RNASE3: variants seen among roughly 807,000 people sequenced by gnomAD.
RNASE3 encodes eosinophil cationic protein.
For missense variants in RNASE3, 192 were observed against 205.3 expected, an observed-to-expected ratio of 0.94 and a Z score of 0.40; for synonymous variants, 66 against 72.0, an observed-to-expected ratio of 0.92 and a Z score of 0.42.
Position 20,891,966 on chromosome 14 carries a change from A to T in RNASE3, c.280A>T (p.Thr94Ser), listed in dbSNP as rs763694164. ...NQSIRCPHNR[T>S]LNNCHRSRFR... is the part of the protein sequence containing the mutation. ...AAGTATACGCTGCCCTCATAACAGA[A>T]CTCTCAACAATTGTCATCGGAGTAG... The change falls in exon 2 of 2, where the codon ACT becomes TCT. Residue 94 changes from threonine to serine, a missense_variant. Thr to Ser is a moderately conservative substitution (Grantham distance 58). Coordinates refer to ENST00000304639, the MANE Select transcript of RNASE3 (RefSeq NM_002935.3). 6.2e-7 allele frequency: 1 copy of T among 1,612,926 alleles called. No individual in the cohort carries two copies. Among genetic ancestry groups the T allele is most frequent in the South Asian group, 1.1e-5 (1 of 91,068 alleles).
In RNASE3 at chr14:20,891,680, A is replaced by G. The variant is rs1188690988; in HGVS notation, c.-5-2A>G. On this transcript the variant is annotated splice_acceptor_variant, in intron 1 of 1. Coordinates refer to ENST00000304639, the MANE Select transcript of RNASE3 (RefSeq NM_002935.3). LOFTEE classifies it low-confidence loss of function (5UTR_SPLICE). ...GTAGTTACTTCTCTTCTTTTCTTACAGGAAACATGGTTCCAAAACTGTTCA... is the reference window on the plus strand; with the variant it reads ...GTAGTTACTTCTCTTCTTTTCTTACGGGAAACATGGTTCCAAAACTGTTCA... 1.3e-5 allele frequency: 21 copies of G among 1,604,710 alleles called. No individual in the cohort carries two copies. In the Admixed American group the frequency reaches 3.6e-4, roughly 28 times the overall value.
rs1223659873 is a variant in RNASE3, at chr14:20,891,468, C to T, written c.-6+17C>T. On this transcript the variant is annotated intron_variant, in intron 1 of 1. Coordinates refer to ENST00000304639, the MANE Select transcript of RNASE3 (RefSeq NM_002935.3). ...AGAGACTGGGTAAGTCAACAATCCC[C>T]AGAGCTGGGACAGGAGGGGCAGCGA... 6.6e-6 allele frequency: 4 copies of T among 609,730 alleles called. No homozygotes were observed. Among genetic ancestry groups the T allele is most frequent in the African/African-American group, 1.9e-5 (1 of 52,172 alleles). 37.8% of individuals were successfully genotyped at this position (609,730 alleles called of 1,614,324 possible). A position where few individuals can be genotyped will look rare whatever the true frequency, so the allele number is the denominator to read the frequency against.
chr14:20,891,485 G>C (rs1877554024), intron 1 of RNASE3, 34 bp downstream of exon 1: 1 of 657,446 alleles, frequency 1.5e-6, no homozygotes, highest in East Asian at 2.7e-5. Context: ...GGGACAGGAG[G>C]GGCAGCGACA....
intron 1 of RNASE3, 37 bp from the exon 2 acceptor site, chr14:20,891,645 G>T (rs558397403): frequency 1.3e-6 from 2 of 1,579,180 alleles, no homozygotes; most frequent in South Asian, 2.4e-5. Flanking sequence ...AACCGAGACC[G>T]GATCGGGGAG....
rs149500970 is a variant in RNASE3 at position 20,891,713 on chromosome 14, A to G, written c.27A>G (p.Gln9=). 3 of 1,610,872 alleles carry G rather than the reference A, an allele frequency of 1.9e-6. No individual in the cohort carries two copies. Among genetic ancestry groups the G allele is most frequent in the Admixed American group, 1.7e-5 (1 of 59,562 alleles). The change falls in exon 2 of 2, where the codon CAA becomes CAG. Residue 9 remains glutamine (Q), a synonymous_variant. Coordinates refer to ENST00000304639, the MANE Select transcript of RNASE3 (RefSeq NM_002935.3). The part of the protein sequence containing the change: MVPKLFTS[Q]ICLLLLLGLM... ...TGGTTCCAAAACTGTTCACTTCCCA[A>G]ATTTGTCTGCTTCTTCTGTTGGGGC... is the stretch of plus-strand genomic sequence containing the variant.
In RNASE3 at chr14:20,892,211, C is replaced by T; in HGVS notation, c.*42C>T. 2 of 1,575,212 alleles carry T rather than the reference C, an allele frequency of 1.3e-6. No individual in the cohort carries two copies. The highest frequency in any genetic ancestry group is 1.7e-6 in the Non-Finnish European group (2 of 1,162,696). ...TCCTCATCATCACTCATCTGCCAAG[C>T]TCCTCAATCATAGCCAAGATCCCAT... On this transcript the variant is annotated 3_prime_UTR_variant, in exon 2 of 2. Coordinates refer to ENST00000304639, the MANE Select transcript of RNASE3 (RefSeq NM_002935.3).
Position 20,892,024 on chromosome 14 carries a change from T to C in RNASE3, c.338T>C (p.Ile113Thr). The C allele has an allele frequency of 3.1e-6, 5 of 1,612,860 alleles. No individual in the cohort carries two copies. Among genetic ancestry groups the C allele is most frequent in the Non-Finnish European group, 3.4e-6 (4 of 1,180,016 alleles). Residue 113 changes from isoleucine to threonine, a missense_variant, in exon 2 of 2, where the codon ATA becomes ACA. Physicochemically the swap from Ile to Thr is moderately conservative, Grantham distance 89 (BLOSUM62 -1). Coordinates refer to ENST00000304639, the MANE Select transcript of RNASE3 (RefSeq NM_002935.3). ...FRVPLLHCDL[I>T]NPGAQNISNC... The stretch of plus-strand genomic sequence containing the variant: ...GTGCCTTTACTCCACTGTGACCTCA[T>C]AAATCCAGGTGCACAGAATATTTCA...
In RNASE3 at chr14:20,891,723, C is replaced by T; in HGVS notation, c.37C>T (p.Leu13Phe). The T allele has an allele frequency of 6.2e-7, 1 of 1,611,546 alleles. No individual in the cohort carries two copies. Among genetic ancestry groups the T allele is most frequent in the Non-Finnish European group, 8.5e-7 (1 of 1,179,816 alleles). The change falls in exon 2 of 2, where the codon CTT (leucine) becomes TTT (phenylalanine). Residue 13 changes from leucine to phenylalanine, a missense_variant. Coordinates refer to ENST00000304639, the MANE Select transcript of RNASE3 (RefSeq NM_002935.3). ...PKLFTSQICL[L>F]LLLGLMGVEG... Reference sequence around the variant, plus strand: ...ACTGTTCACTTCCCAAATTTGTCTGCTTCTTCTGTTGGGGCTTATGGGTGT... The same window carrying T: ...ACTGTTCACTTCCCAAATTTGTCTGTTTCTTCTGTTGGGGCTTATGGGTGT...
chr14:20,891,546 G>T, intron 1 of RNASE3, 95 bp downstream of exon 1: 1 of 1,189,016 alleles, frequency 8.4e-7, no homozygotes, highest in Non-Finnish European at 1.2e-6. Flanking sequence ...AGGAGATGTG[G>T]CACACTTTGG....
Position 20,891,934 on chromosome 14 carries a change from G to A in RNASE3, c.248G>A (p.Gly83Asp). ...TTFANVVNVC[G>D]NQSIRCPHNR... ...TTTGCTAATGTAGTTAATGTTTGTG[G>A]TAACCAAAGTATACGCTGCCCTCAT... Residue 83 changes from glycine to aspartate, a missense_variant, in exon 2 of 2, where the codon GGT (glycine) becomes GAT (aspartate). Transcript: ENST00000304639. The A allele has an allele frequency of 1.2e-6, 2 of 1,612,976 alleles. No homozygotes were observed. Among genetic ancestry groups the A allele is most frequent in the Non-Finnish European group, 1.7e-6 (2 of 1,180,018 alleles).
intron 1 of RNASE3, 84 bp from the exon 2 acceptor site, chr14:20,891,598 A>C: frequency 6.6e-7 from 1 of 1,506,294 alleles, no homozygotes; most frequent in Non-Finnish European, 8.9e-7. Context: ...GTGGCAGCAG[A>C]GGGGCCTGTG....
At position 20,892,338 on chromosome 14, in the gene RNASE3, T is replaced by C; in HGVS notation, c.*169T>C. ...CTTGTGAACCCTGCAATAAACTGCT[T>C]TGCAAATTCATCTGGAAGTGTCTGT... On this transcript the variant is annotated 3_prime_UTR_variant, in exon 2 of 2. Transcript: ENST00000304639. 4 of 889,722 alleles carry C rather than the reference T, an allele frequency of 4.5e-6. No individual in the cohort carries two copies. The highest frequency in any genetic ancestry group is 7.0e-6 in the Non-Finnish European group (4 of 572,662). 55.1% of individuals were successfully genotyped at this position (889,722 alleles called of 1,614,324 possible).
chr14:20,891,649 C>G (rs2233859), intron 1 of RNASE3, 33 bp from the exon 2 acceptor site: 5 of 1,581,652 alleles, frequency 3.2e-6, no homozygotes, highest in Non-Finnish European at 4.3e-6. Flanking sequence ...GAGACCGGAT[C>G]GGGGAGTAGT....
At chr14:20,891,653 G>A (rs768163273) in intron 1 of RNASE3, 29 bp from the exon 2 acceptor site, 3 of 1,589,872 alleles carry the variant, frequency 1.9e-6, no homozygotes, top group Admixed American at 1.8e-5. Context: ...CCGGATCGGG[G>A]AGTAGTTACT....
Position 20,892,156 on chromosome 14 carries a change from A to T in RNASE3, c.470A>T (p.Asp157Val), listed in dbSNP as rs1877580616. The part of the protein sequence containing the change: ...PRYPVVPVHL[D>V]TTI ...TATCCTGTGGTTCCAGTTCACCTGG[A>T]TACCACCATCTAAGCTCCTGTATCA... The change falls in exon 2 of 2, where the codon GAT (aspartate) becomes GTT (valine). Residue 157 changes from aspartate (D) to valine (V), a missense_variant. Physicochemically the swap from Asp to Val is radical, Grantham distance 152. Transcript: ENST00000304639. 1 of 1,610,070 alleles carries T rather than the reference A, an allele frequency of 6.2e-7. No individual in the cohort carries two copies. The highest frequency in any genetic ancestry group is 1.4e-5 in the African/African-American group (1 of 73,386).
chr14:20,892,258 C>T lies in RNASE3; in HGVS notation c.*89C>T. On this transcript the variant is annotated 3_prime_UTR_variant, in exon 2 of 2. Coordinates refer to ENST00000304639, the MANE Select transcript of RNASE3 (RefSeq NM_002935.3). Reference sequence around the variant, plus strand: ...CCATCCCTCCATGTACTCTGGGTATCAGCAACTGTCCTCATCAGTCTCCAT... The same window carrying T: ...CCATCCCTCCATGTACTCTGGGTATTAGCAACTGTCCTCATCAGTCTCCAT... The T allele has an allele frequency of 6.6e-7, 1 of 1,516,902 alleles. No individual in the cohort carries two copies. Among genetic ancestry groups the T allele is most frequent in the Non-Finnish European group, 8.9e-7 (1 of 1,127,698 alleles). The allele number at this position is 1,516,902 out of a possible 1,614,324, so 94.0% of individuals were successfully genotyped here.
intron 1 of RNASE3, 86 bp downstream of exon 1, chr14:20,891,537 G>T: frequency 9.2e-7 from 1 of 1,089,586 alleles, no homozygotes. Context: ...TTAGTGCTTA[G>T]GAGATGTGGC....
rs189316749 is a variant in RNASE3 at position 20,892,002 on chromosome 14, C to G, written c.316C>G (p.Pro106Ala). Residue 106 changes from proline to alanine, a missense_variant, in exon 2 of 2, where the codon CCT (proline) becomes GCT (alanine). Coordinates refer to ENST00000304639, the MANE Select transcript of RNASE3 (RefSeq NM_002935.3). ...TTGTCATCGGAGTAGATTCCGGGTG[C>G]CTTTACTCCACTGTGACCTCATAAA... is the stretch of plus-strand genomic sequence containing the variant. ...NNCHRSRFRV[P>A]LLHCDLINPG... is the part of the protein sequence containing the mutation. 18 of 1,612,846 alleles carry G rather than the reference C, an allele frequency of 1.1e-5. No homozygotes were observed. Among genetic ancestry groups the G allele is most frequent in the Non-Finnish European group, 1.5e-5 (18 of 1,179,986 alleles).
In RNASE3 at chr14:20,892,057, C is replaced by G. The variant is rs2073342; in HGVS notation, c.371C>G (p.Thr124Arg). Reference protein sequence around the residue: ...NPGAQNISNCTYADRPGRRFY... With the variant: ...NPGAQNISNCRYADRPGRRFY... ...GGTGCACAGAATATTTCAAACTGCA[C>G]GTATGCAGACAGACCAGGAAGGAGG... The change falls in exon 2 of 2, where the codon ACG (threonine) becomes AGG (arginine). Residue 124 changes from threonine (T) to arginine (R), a missense_variant. Physicochemically the swap from Thr to Arg is moderately conservative, Grantham distance 71. Transcript: ENST00000304639. 0.72 allele frequency: 1,156,201 copies of G among 1,611,768 alleles called. 420,323 individuals carry two copies. The highest frequency in any genetic ancestry group is 0.83 in the Admixed American group (49,653 of 59,928).
Sources: allele counts gnomAD v4.1 joint callset, GRCh38; gene constraint gnomAD v4.1.1; transcripts MANE v1.5; gene names NCBI Gene and HGNC (gene_info 2026-07-23, HGNC 2026-07-21).